The following KLHL1 variants were observed in gnomAD, a reference collection of about 807,000 sequenced individuals.
KLHL1 encodes kelch like family member 1.
KLHL1 carries 47 observed loss-of-function variants against 77.7 expected under a neutral mutation model. The ratio of observed to expected loss-of-function variants is 0.60; its 90% CI spans 0.48 to 0.77. The LOEUF (loss-of-function observed/expected upper bound fraction) is 0.77, where lower values mean the gene tolerates loss of function less well. Ranked by LOEUF, KLHL1 falls within the 30% of genes least tolerant of loss-of-function variation. KLHL1 has a pLI of 0.00. For missense variants in KLHL1, 925 were observed against 910.8 expected, an observed-to-expected ratio of 1.02 and a Z score of -0.20; for synonymous variants, 360 against 325.2, an observed-to-expected ratio of 1.11 and a Z score of -1.15.
At chr13:69,862,276 T>TACAC (rs34793863) in intron 5 of KLHL1, among the ~76,000 whole-genome samples, 1 of 151,234 alleles carries the variant, frequency 6.6e-6, no homozygotes. Context: ...ATACTGTTTT[T>TACAC]ACACACACAC....
intron 1 of KLHL1, among the ~76,000 whole-genome samples, chr13:70,003,385 T>G (rs920662726): frequency 4.6e-5 from 7 of 151,642 alleles, no homozygotes; most frequent in African/African-American, 9.7e-5. Flanking sequence ...TGTGTGGAGT[T>G]TAGAGGAGAA....
At chr13:69,802,275 A>T (rs765770277) in intron 6 of KLHL1, among the ~76,000 whole-genome samples, 14 of 152,102 alleles carry the variant, frequency 9.2e-5, no homozygotes, top group Non-Finnish European at 1.8e-4. Context: ...ATTGGTAAGT[A>T]TTTGGGTTGG....
intron 2 of KLHL1, among the ~76,000 whole-genome samples, chr13:69,967,846 C>A (rs1328227231): frequency 6.6e-6 from 1 of 150,846 alleles, no homozygotes; most frequent in African/African-American, 2.4e-5. Context: ...GATCGCACCA[C>A]TGTGCCCCAG....
At chr13:70,020,471 TTTCTC>T (rs1885760650) in intron 1 of KLHL1, among the ~76,000 whole-genome samples, 1 of 152,166 alleles carries the variant, frequency 6.6e-6, no homozygotes, top group Non-Finnish European at 1.5e-5. Context: ...GTCGTCCTCT[TTTCTC>T]TGCCTTCATG....
At chr13:69,775,091 T>A (rs1408275949) in intron 7 of KLHL1, among the ~76,000 whole-genome samples, 2 of 152,168 alleles carry the variant, frequency 1.3e-5, no homozygotes, top group South Asian at 2.1e-4. Context: ...AGTCGTTTCC[T>A]GGGAGTGCTG....
chr13:69,807,450 T>C (rs1449013851), intron 6 of KLHL1, among the ~76,000 whole-genome samples: 4 of 152,064 alleles, frequency 2.6e-5, no homozygotes, highest in East Asian at 3.9e-4. Context: ...TCTCTGTTGC[T>C]TCTGCTCCCA....
chr13:69,778,239 A>C (rs2137996256), intron 7 of KLHL1, among the ~76,000 whole-genome samples: 1 of 152,234 alleles, frequency 6.6e-6, no homozygotes, highest in Non-Finnish European at 1.5e-5. Flanking sequence ...TATATAATCT[A>C]CGATGTCCTT....
chr13:69,774,884 C>G (rs1875750205), intron 7 of KLHL1, among the ~76,000 whole-genome samples: 1 of 152,124 alleles, frequency 6.6e-6, no homozygotes, highest in Non-Finnish European at 1.5e-5. Context: ...ACATTGAAAA[C>G]TATGTTCTAA....
chr13:69,926,495 T>G (rs114208861), intron 4 of KLHL1, among the ~76,000 whole-genome samples: 2 of 152,252 alleles, frequency 1.3e-5, no homozygotes, highest in East Asian at 3.9e-4. Flanking sequence ...ATCAGTAAAC[T>G]TAACATTTTT....
At chr13:69,854,562 A>C (rs1339711819) in intron 5 of KLHL1, among the ~76,000 whole-genome samples, 1 of 152,092 alleles carries the variant, frequency 6.6e-6, no homozygotes, top group Non-Finnish European at 1.5e-5. Context: ...TAAGGACTTA[A>C]GGAGATTTAT....
At position 70,107,742 on chromosome 13, in the gene KLHL1, G is replaced by T; in HGVS notation, c.-43C>A. The T allele has an allele frequency of 6.9e-7, 1 of 1,442,172 alleles. No individual in the cohort carries two copies. Among genetic ancestry groups the T allele is most frequent in the Non-Finnish European group, 9.2e-7 (1 of 1,088,014 alleles). 89.3% of individuals were successfully genotyped at this position (1,442,172 alleles called of 1,614,324 possible). On this transcript the variant is annotated 5_prime_UTR_variant, in exon 1 of 11. Transcript: ENST00000377844. ...CAAAAGGCTGGCAGCTCACGCAGGA[G>T]TAGGCTGGTCAGCAGGTGGGGGAGG...
intron 1 of KLHL1, among the ~76,000 whole-genome samples, chr13:70,093,778 A>T (rs2137445244): frequency 6.6e-6 from 1 of 152,318 alleles, no homozygotes; most frequent in South Asian, 2.1e-4. Context: ...TGGATAGCTC[A>T]TCTCCAGGAG....
chr13:70,100,647 A>G (rs147820450), intron 1 of KLHL1, among the ~76,000 whole-genome samples: 3 of 152,244 alleles, frequency 2.0e-5, no homozygotes, highest in African/African-American at 4.8e-5. Context: ...ATTTTTGCTT[A>G]TATTTATATT....
At chr13:69,950,711 A>C (rs1883681357) in intron 3 of KLHL1, among the ~76,000 whole-genome samples, 1 of 151,696 alleles carries the variant, frequency 6.6e-6, no homozygotes, top group Non-Finnish European at 1.5e-5. Context: ...CTTTATGTAG[A>C]ACATATACTC....
At chr13:70,093,694 A>G (rs1378853805) in intron 1 of KLHL1, among the ~76,000 whole-genome samples, 4 of 152,278 alleles carry the variant, frequency 2.6e-5, no homozygotes, top group Non-Finnish European at 5.9e-5. Context: ...TTGTTTTGAC[A>G]AAGTATTTTA....
At chr13:70,100,378 C>T (rs538822895) in intron 1 of KLHL1, among the ~76,000 whole-genome samples, 1 of 152,132 alleles carries the variant, frequency 6.6e-6, no homozygotes, top group Non-Finnish European at 1.5e-5. Context: ...CTGTATCCTG[C>T]CACGTTGCTA....
intron 1 of KLHL1, among the ~76,000 whole-genome samples, chr13:70,061,082 G>T (rs1480317830): frequency 1.3e-5 from 2 of 152,042 alleles, no homozygotes; most frequent in Non-Finnish European, 2.9e-5. Flanking sequence ...GCTGGGAGGG[G>T]TCACTGGGGG....
intron 7 of KLHL1, among the ~76,000 whole-genome samples, chr13:69,788,339 TAA>T (rs1876671569): frequency 6.6e-6 from 1 of 151,970 alleles, no homozygotes; most frequent in Admixed American, 6.6e-5. Flanking sequence ...CCATAAAAAA[TAA>T]AGAGTTCACG....
intron 1 of KLHL1, among the ~76,000 whole-genome samples, chr13:70,096,347 C>T (rs1238728748): frequency 1.3e-5 from 2 of 152,044 alleles, no homozygotes; most frequent in East Asian, 1.9e-4. Flanking sequence ...GCATCCTCAC[C>T]AGCATCCCCT....
Sources: allele counts gnomAD v4.1 joint callset (sites outside exome capture counted in the v4.1 genomes callset), GRCh38; gene constraint gnomAD v4.1.1; transcripts MANE v1.5; gene names NCBI Gene and HGNC (gene_info 2026-07-23, HGNC 2026-07-21).